The following SLC17A8 variants were observed in gnomAD, a reference collection of about 807,000 sequenced individuals.
SLC17A8 encodes solute carrier family 17 member 8, also known as vesicular glutamate transporter 3.
A neutral mutation model predicts 58.0 loss-of-function variants in SLC17A8; 31 were observed. The ratio of observed to expected loss-of-function variants is 0.53; its 90% CI spans 0.40 to 0.72. The LOEUF (loss-of-function observed/expected upper bound fraction) is 0.72, where lower values mean the gene tolerates loss of function less well. Ranked by LOEUF, SLC17A8 falls within the 30% of genes least tolerant of loss-of-function variation. The probability of loss-of-function intolerance (pLI) is 0.00; values close to 1 mark genes in which losing one functional copy is unlikely to be tolerated. For synonymous variants in SLC17A8, 228 were observed against 249.0 expected (o/e 0.92, Z 0.79); for missense variants, 655 against 727.8 (o/e 0.90, Z 1.15).
At chr12:100,405,750 G>C (rs1463619635) in intron 9 of SLC17A8, among the ~76,000 whole-genome samples, 1 of 152,168 alleles carries the variant, frequency 6.6e-6, no homozygotes. Context: ...CATTGGAATA[G>C]ATCTTAAAGA....
chr12:100,401,200 T>C (rs1371953381), intron 5 of SLC17A8, among the ~76,000 whole-genome samples: 5 of 151,946 alleles, frequency 3.3e-5, no homozygotes, highest in Admixed American at 1.3e-4. Flanking sequence ...GGTTTTGCTA[T>C]GTTGACCAGG....
chr12:100,414,616 G>A (rs1435708250), intron 10 of SLC17A8, among the ~76,000 whole-genome samples: 1 of 152,124 alleles, frequency 6.6e-6, no homozygotes, highest in South Asian at 2.1e-4. Flanking sequence ...TCTTAGCACT[G>A]GGGATATTGC....
chr12:100,387,175 A>G (rs1191248559), intron 2 of SLC17A8, among the ~76,000 whole-genome samples: 1 of 152,168 alleles, frequency 6.6e-6, no homozygotes, highest in Non-Finnish European at 1.5e-5. Flanking sequence ...GTTTTGGAGG[A>G]ACCTCTGTAC....
chr12:100,363,207 G>A (rs1005785199), intron 1 of SLC17A8, among the ~76,000 whole-genome samples: 4 of 152,092 alleles, frequency 2.6e-5, no homozygotes, highest in Non-Finnish European at 4.4e-5. Flanking sequence ...CTTGTGAATC[G>A]GGATTTCTAG....
intron 4 of SLC17A8, among the ~76,000 whole-genome samples, chr12:100,394,266 C>T (rs74389197): frequency 6.6e-6 from 1 of 152,076 alleles, no homozygotes; most frequent in African/African-American, 2.4e-5. Context: ...TGCCCATGTA[C>T]AACTTGTACT....
At chr12:100,407,667 G>A (rs1221906068) in intron 9 of SLC17A8, among the ~76,000 whole-genome samples, 4 of 151,950 alleles carry the variant, frequency 2.6e-5, no homozygotes, top group African/African-American at 7.3e-5. Context: ...GTGCAGTGGC[G>A]TGATCTCAGC....
intron 9 of SLC17A8, among the ~76,000 whole-genome samples, chr12:100,405,800 T>C (rs1359501634): frequency 6.6e-6 from 1 of 152,148 alleles, no homozygotes; most frequent in Non-Finnish European, 1.5e-5. Flanking sequence ...GATATTTGTG[T>C]TGTTTTGAGC....
In SLC17A8 at chr12:100,412,797, T is replaced by C. The variant is rs1259429638; in HGVS notation, c.1214T>C (p.Leu405Pro). 1.9e-6 allele frequency: 3 copies of C among 1,614,158 alleles called. No individual in the cohort carries two copies. Among genetic ancestry groups the C allele is most frequent in the Admixed American group, 3.3e-5 (2 of 60,012 alleles). ...TTTGGCATGGAGGCAACCTTACTCCTGGTGGTTGGCTTTTCGCATACCAAA... is the reference window on the plus strand; with the variant it reads ...TTTGGCATGGAGGCAACCTTACTCCCGGTGGTTGGCTTTTCGCATACCAAA... Reference protein sequence around the residue: ...GGFGMEATLLLVVGFSHTKGV... With the variant: ...GGFGMEATLLPVVGFSHTKGV... The change falls in exon 10 of 12, where the codon CTG (leucine) becomes CCG (proline). Residue 405 changes from leucine (L) to proline (P), a missense_variant. By Grantham distance (98) the Leu-to-Pro change is moderately conservative. Transcript: ENST00000323346.
At chr12:100,402,153 G>T (rs1049798150) in intron 6 of SLC17A8, among the ~76,000 whole-genome samples, 187 bp from the exon 7 acceptor site, 2 of 152,120 alleles carry the variant, frequency 1.3e-5, no homozygotes, top group Admixed American at 6.5e-5. Flanking sequence ...AGATCCTTTT[G>T]TAGTTCATAA....
intron 1 of SLC17A8, among the ~76,000 whole-genome samples, chr12:100,377,580 T>C (rs955351021): frequency 2.4e-5 from 3 of 126,778 alleles, no homozygotes; most frequent in Admixed American, 1.6e-4. Context: ...TATATATATA[T>C]ATATATTTTT....
intron 1 of SLC17A8, among the ~76,000 whole-genome samples, chr12:100,363,094 A>G (rs1413606185): frequency 1.3e-5 from 2 of 152,114 alleles, no homozygotes; most frequent in East Asian, 1.9e-4. Context: ...ACTTCTTACC[A>G]TGTCTTCTGG....
At chr12:100,385,364 T>C (rs1271117879) in intron 2 of SLC17A8, among the ~76,000 whole-genome samples, 3 of 150,556 alleles carry the variant, frequency 2.0e-5, no homozygotes, top group African/African-American at 7.3e-5. Flanking sequence ...GGCTATCAAG[T>C]AGCTGGGATT....
intron 10 of SLC17A8, among the ~76,000 whole-genome samples, chr12:100,414,650 C>T (rs568153877): frequency 5.4e-4 from 82 of 152,280 alleles, no homozygotes; most frequent in African/African-American, 1.9e-3. Context: ...AAGTGTCCAT[C>T]CCCATAAAGT....
rs116716194 is a variant in SLC17A8 at position 100,363,283 on chromosome 12, T to G, written c.101+5791T>G. Among the ~76,000 whole-genome samples the G allele has an allele frequency of 2.5e-3, 376 of 152,150 alleles. 1 individual carries two copies. The highest frequency in any genetic ancestry group is 8.6e-3 in the African/African-American group (359 of 41,520). On this transcript the variant is annotated intron_variant, in intron 1 of 11. Coordinates refer to ENST00000323346, the MANE Select transcript of SLC17A8 (RefSeq NM_139319.3). ...GTGGGTTACTGGGAATGATGGCGAG[T>G]GGGGCCACTCCTTCTCTCATGCCTT...
At chr12:100,383,780 C>T (rs1264135929) in intron 2 of SLC17A8, among the ~76,000 whole-genome samples, 1 of 151,696 alleles carries the variant, frequency 6.6e-6, no homozygotes, top group Admixed American at 6.6e-5. Context: ...CATAGTTCAC[C>T]GCAGCCTTGA....
intron 10 of SLC17A8, among the ~76,000 whole-genome samples, chr12:100,416,278 A>G (rs1012954322): frequency 3.9e-5 from 6 of 152,344 alleles, no homozygotes; most frequent in Middle Eastern, 3.4e-3. Flanking sequence ...ATCAGAGCAT[A>G]ATACTCAACA....
chr12:100,385,133 T>TGTGA (rs1318721084), intron 2 of SLC17A8, among the ~76,000 whole-genome samples: 7 of 149,966 alleles, frequency 4.7e-5, no homozygotes, highest in African/African-American at 7.3e-5. Context: ...TGTGTGTGTG[T>TGTGA]GAGAGAGAGA....
chr12:100,405,711 CAG>C (rs1212203909), intron 9 of SLC17A8, among the ~76,000 whole-genome samples: 3 of 152,168 alleles, frequency 2.0e-5, no homozygotes, highest in African/African-American at 7.2e-5. Context: ...TACAATAGTG[CAG>C]AGAGTATTTT....
chr12:100,361,378 C>T (rs1178801994), intron 1 of SLC17A8, among the ~76,000 whole-genome samples: 3 of 152,236 alleles, frequency 2.0e-5, no homozygotes, highest in Non-Finnish European at 2.9e-5. Context: ...CCGGCTTTCG[C>T]CCTGTTTCTT....
Sources: allele counts gnomAD v4.1 joint callset (sites outside exome capture counted in the v4.1 genomes callset), GRCh38; gene constraint gnomAD v4.1.1; transcripts MANE v1.5; gene names NCBI Gene and HGNC (gene_info 2026-07-23, HGNC 2026-07-21).